Variants in CFAP95 observed in about 807,000 individuals in gnomAD.
CFAP95 encodes cilia- and flagella-associated protein 95.
the CFAP95 span, among the ~76,000 whole-genome samples, chr9:69,893,531 A>G: frequency 6.6e-6 from 1 of 151,986 alleles, no homozygotes; most frequent in Non-Finnish European, 1.5e-5. Flanking sequence ...CCATGTCCCT[A>G]TTGTCTTCCC....
chr9:69,881,704 G>A, the CFAP95 span, among the ~76,000 whole-genome samples: 2 of 152,114 alleles, frequency 1.3e-5, no homozygotes, highest in Non-Finnish European at 2.9e-5. Flanking sequence ...CATAAAAGAT[G>A]TCATTGGTAT....
chr9:69,891,869 C>T, the CFAP95 span, among the ~76,000 whole-genome samples: 1 of 152,114 alleles, frequency 6.6e-6, no homozygotes, highest in African/African-American at 2.4e-5. Context: ...GTGTTGTTAT[C>T]ACACAGTGTT....
the CFAP95 span, among the ~76,000 whole-genome samples, chr9:69,890,176 C>T: frequency 1.3e-5 from 2 of 152,110 alleles, no homozygotes; most frequent in Non-Finnish European, 2.9e-5. Context: ...TAAAAACTCA[C>T]AAATTTCAAA....
chr9:69,854,725 G>C, the CFAP95 span, among the ~76,000 whole-genome samples: 2 of 152,242 alleles, frequency 1.3e-5, no homozygotes, highest in Admixed American at 6.5e-5. Flanking sequence ...GGGAGGCACT[G>C]GCAGGTGACC....
the CFAP95 span, among the ~76,000 whole-genome samples, chr9:69,836,304 G>A: frequency 2.0e-5 from 3 of 151,990 alleles, no homozygotes; most frequent in Non-Finnish European, 4.4e-5. Context: ...CTCAACCTTG[G>A]TACTATGGAC....
At chr9:69,836,132 A>T in the CFAP95 span, among the ~76,000 whole-genome samples, 1 of 152,200 alleles carries the variant, frequency 6.6e-6, no homozygotes, top group African/African-American at 2.4e-5. Context: ...TTCTTATGAA[A>T]GGTGGTAGAT....
At chr9:69,879,558 C>T in the CFAP95 span, among the ~76,000 whole-genome samples, 2 of 152,142 alleles carry the variant, frequency 1.3e-5, no homozygotes, top group Admixed American at 6.5e-5. Flanking sequence ...ATACATCCTA[C>T]GTTCACTTTG....
At chr9:69,862,542 C>CT in the CFAP95 span, among the ~76,000 whole-genome samples, 1 of 152,272 alleles carries the variant, frequency 6.6e-6, no homozygotes, top group South Asian at 2.1e-4. Context: ...AACTCTACAG[C>CT]TCTGAAAGTT....
the CFAP95 span, among the ~76,000 whole-genome samples, chr9:69,896,146 G>A: frequency 1.3e-5 from 2 of 152,186 alleles, no homozygotes; most frequent in Non-Finnish European, 2.9e-5. Flanking sequence ...TTGATATACA[G>A]TCCATTAAGT....
chr9:69,888,390 A>T, the CFAP95 span, among the ~76,000 whole-genome samples: 1 of 152,130 alleles, frequency 6.6e-6, no homozygotes, highest in Non-Finnish European at 1.5e-5. Context: ...ACTCATACAT[A>T]TTGGCAGGAG....
At chr9:69,877,839 G>C in the CFAP95 span, among the ~76,000 whole-genome samples, 1 of 152,142 alleles carries the variant, frequency 6.6e-6, no homozygotes, top group African/African-American at 2.4e-5. Context: ...TTATTGAATA[G>C]AAATGCTAAT....
the CFAP95 span, among the ~76,000 whole-genome samples, chr9:69,853,434 A>G: frequency 1.2e-4 from 18 of 152,302 alleles, no homozygotes; most frequent in Admixed American, 2.6e-4. Flanking sequence ...TATTTTCTAT[A>G]TTATAATTTT....
chr9:69,861,819 T>C, the CFAP95 span, among the ~76,000 whole-genome samples: 1 of 145,702 alleles, frequency 6.9e-6, no homozygotes. Flanking sequence ...CAAGATTCGA[T>C]GTTCATCTTA....
At chr9:69,822,622 A>G in the CFAP95 span, among the ~76,000 whole-genome samples, 1 of 152,246 alleles carries the variant, frequency 6.6e-6, no homozygotes, top group Non-Finnish European at 1.5e-5. Flanking sequence ...AAAGAGAAAG[A>G]CTTTTTGCAA....
chr9:69,872,084 T>TCCAG, the CFAP95 span, among the ~76,000 whole-genome samples: 5 of 152,158 alleles, frequency 3.3e-5, no homozygotes, highest in South Asian at 4.1e-4. Flanking sequence ...TTCCAAAAGT[T>TCCAG]TTTCATCCAG....
chr9:69,825,975 A>G, the CFAP95 span, among the ~76,000 whole-genome samples: 9 of 152,136 alleles, frequency 5.9e-5, no homozygotes, highest in African/African-American at 2.2e-4. Flanking sequence ...CTAAGCCCCA[A>G]ATTAAAGAGC....
the CFAP95 span, among the ~76,000 whole-genome samples, chr9:69,860,752 C>CT: frequency 6.6e-6 from 1 of 151,824 alleles, no homozygotes; most frequent in Non-Finnish European, 1.5e-5. Context: ...ACTTTTAAAA[C>CT]TTTTTTCTTA....
chr9:69,869,611 G>T, the CFAP95 span, among the ~76,000 whole-genome samples: 378 of 151,874 alleles, frequency 2.5e-3, 1 homozygote, highest in African/African-American at 8.7e-3. Flanking sequence ...TGTTCTTATC[G>T]CAAAAAAGGT....
At chr9:69,861,680 C>T in the CFAP95 span, among the ~76,000 whole-genome samples, 80 of 134,854 alleles carry the variant, frequency 5.9e-4, no homozygotes, top group Middle Eastern at 4.2e-3. Context: ...CTTCAGTTCC[C>T]AAAATTTGTT....
Sources: allele counts gnomAD v4.1 joint callset (sites outside exome capture counted in the v4.1 genomes callset), GRCh38; gene constraint gnomAD v4.1.1; transcripts MANE v1.5; gene names NCBI Gene and HGNC (gene_info 2026-07-23, HGNC 2026-07-21).